Variants in GTF2I observed in about 807,000 individuals in gnomAD.
The protein encoded by GTF2I is general transcription factor IIi.
A neutral mutation model predicts 67.6 loss-of-function variants in GTF2I; 12 were observed. The ratio of observed to expected loss-of-function variants is 0.18; its 90% CI spans 0.11 to 0.29. GTF2I has a LOEUF of 0.29. GTF2I is among the 10% of genes least tolerant of loss of function. The probability of loss-of-function intolerance (pLI) is 1.00; values close to 1 mark genes in which losing one functional copy is unlikely to be tolerated. For missense variants in GTF2I, 271 were observed against 580.1 expected (o/e 0.47, Z 5.47); for synonymous variants, 149 against 197.0 (o/e 0.76, Z 2.04).
chr7:74,658,203 G>T (rs1804097234), intron 1 of GTF2I, 135 bp downstream of exon 1: 1 of 150,354 alleles, frequency 6.7e-6, no homozygotes, highest in African/African-American at 2.4e-5. Flanking sequence ...CCCGCCGCGC[G>T]CGGTGTGGGG....
rs907961700 is a variant in GTF2I at position 74,665,734 on chromosome 7, T to C, written c.-6+7666T>C. Among the ~76,000 whole-genome samples the C allele has an allele frequency of 5.3e-5, 8 of 152,346 alleles. No individual in the cohort carries two copies. The South Asian group carries it at 1.0e-3, about 20-fold the overall frequency. On this transcript the variant is annotated intron_variant, in intron 1 of 34. Coordinates refer to ENST00000573035, the MANE Select transcript of GTF2I (RefSeq NM_032999.4). ...GGAAGCGAAAATTTTACTAGTAATA[T>C]CGACTATGACGTTAATCTCCAAGAA...
intron 17 of GTF2I, 123 bp downstream of exon 17, chr7:74,735,655 G>GTTT: frequency 6.4e-5 from 20 of 310,318 alleles, no homozygotes; most frequent in Admixed American, 1.1e-4. Flanking sequence ...AGTTTTCCCT[G>GTTT]TTTTTTTTTT....
rs1449465151 is a variant in GTF2I, at chr7:74,687,604, T to TA, written c.-5-1518dup. 6 of 937,382 alleles carry TA rather than the reference T, an allele frequency of 6.4e-6. No individual in the cohort carries two copies. The East Asian group carries it at 6.9e-4, about 108-fold the overall frequency. 58.1% of individuals were successfully genotyped at this position (937,382 alleles called of 1,614,324 possible). A position where few individuals can be genotyped will look rare whatever the true frequency, so the allele number is the denominator to read the frequency against. On this transcript the variant is annotated intron_variant, in intron 1 of 34. Transcript: ENST00000573035. Reference sequence around the variant, plus strand: ...TTGATGGGTAATCTGGGCTAGCAGTTAATTCACATGGTAACAGATAAAGCT... The same window carrying TA: ...TTGATGGGTAATCTGGGCTAGCAGTTAAATTCACATGGTAACAGATAAAGCT...
chr7:74,735,672 T>A, intron 17 of GTF2I, 140 bp downstream of exon 17: 1 of 462,456 alleles, frequency 2.2e-6, no homozygotes, highest in East Asian at 3.9e-5. Context: ...TTTTTTGGGT[T>A]TTTTTTTTTT....
intron 9 of GTF2I, among the ~76,000 whole-genome samples, chr7:74,712,715 G>A (rs1562968925): frequency 6.7e-6 from 1 of 149,902 alleles, no homozygotes; most frequent in Non-Finnish European, 1.5e-5. Context: ...CCAAGCTGGA[G>A]TGCAGTGGTG....
At chr7:74,723,382 C>T (rs1362487651) in intron 12 of GTF2I, among the ~76,000 whole-genome samples, 3 of 145,922 alleles carry the variant, frequency 2.1e-5, no homozygotes, top group African/African-American at 7.7e-5. Flanking sequence ...CCACCTCACC[C>T]TCCCAAAGAG....
intron 8 of GTF2I, among the ~76,000 whole-genome samples, chr7:74,707,239 G>C (rs1422159415): frequency 6.6e-6 from 1 of 152,214 alleles, no homozygotes; most frequent in Non-Finnish European, 1.5e-5. Flanking sequence ...GTGTTATCCT[G>C]TGTCCTAGTG....
At chr7:74,658,613 C>A (rs1201495679) in intron 1 of GTF2I, among the ~76,000 whole-genome samples, 1 of 149,626 alleles carries the variant, frequency 6.7e-6, no homozygotes, top group Admixed American at 6.6e-5. Context: ...ATTGGCCAAC[C>A]GGCGCGGGGG....
At chr7:74,680,099 A>AAAAAATATATATATATATATATAT in intron 1 of GTF2I, among the ~76,000 whole-genome samples, 2 of 94,976 alleles carry the variant, frequency 2.1e-5, no homozygotes, top group East Asian at 2.5e-4. Flanking sequence ...AAAAAAAAAA[A>AAAAAATATATATATATATATATAT]ATATATATAT....
intron 2 of GTF2I, among the ~76,000 whole-genome samples, chr7:74,690,099 C>T (rs895131885): frequency 1.3e-5 from 2 of 152,128 alleles, no homozygotes; most frequent in East Asian, 3.9e-4. Context: ...CCTGTAGTCC[C>T]AGTAACCCGG....
chr7:74,700,608 C>A lies in GTF2I; in HGVS notation c.560C>A (p.Pro187His), dbSNP rs1789597872. 6.2e-7 allele frequency: 1 copy of A among 1,613,784 alleles called. No homozygotes were observed. The highest frequency in any genetic ancestry group is 8.5e-7 in the Non-Finnish European group (1 of 1,179,886). The change falls in exon 6 of 35, where the codon CCT (proline) becomes CAT (histidine). Residue 187 changes from proline to histidine, a missense_variant and splice_region_variant. Around this residue, in one of 9 missense-constraint regions of GTF2I, gnomAD observed 38 missense variants for 87.8 expected, o/e 0.43. Transcript: ENST00000573035. ...TGTTTTGTTTTGTTTTAATGCAGAC[C>A]TTTTTTAGAGCCAAAGAAGCATGTA... Reference protein sequence around the residue: ...KAGISFIIKRPFLEPKKHVGG... With the variant: ...KAGISFIIKRHFLEPKKHVGG...
chr7:74,687,827 C>A (rs1354087882), intron 1 of GTF2I, among the ~76,000 whole-genome samples: 4 of 152,108 alleles, frequency 2.6e-5, no homozygotes, highest in Admixed American at 6.6e-5. Flanking sequence ...AGTTACTATT[C>A]TTGTTTCCAG....
At chr7:74,688,004 G>T (rs1787891711) in intron 1 of GTF2I, among the ~76,000 whole-genome samples, 1 of 152,116 alleles carries the variant, frequency 6.6e-6, no homozygotes, top group South Asian at 2.1e-4. Flanking sequence ...TTCAGTTTTA[G>T]AAATTTGCTT....
intron 9 of GTF2I, among the ~76,000 whole-genome samples, chr7:74,712,714 A>G (rs1584247010): frequency 7.3e-6 from 1 of 136,734 alleles, no homozygotes; most frequent in Non-Finnish European, 1.5e-5. Context: ...CCCAAGCTGG[A>G]GTGCAGTGGT....
intron 3 of GTF2I, among the ~76,000 whole-genome samples, chr7:74,694,990 T>G (rs1788745314): frequency 6.6e-6 from 1 of 152,232 alleles, no homozygotes; most frequent in Non-Finnish European, 1.5e-5. Flanking sequence ...CTTGATAGTG[T>G]TGTTCACCGA....
chr7:74,685,978 G>T (rs1787692137), intron 1 of GTF2I, among the ~76,000 whole-genome samples: 1 of 152,152 alleles, frequency 6.6e-6, no homozygotes, highest in African/African-American at 2.4e-5. Context: ...GCGTGAACCC[G>T]GGAGGCGGAG....
intron 26 of GTF2I, among the ~76,000 whole-genome samples, chr7:74,749,929 T>C (rs1795698202): frequency 6.8e-6 from 1 of 147,738 alleles, no homozygotes; most frequent in Non-Finnish European, 1.5e-5. Flanking sequence ...GAAATTTTCC[T>C]TATGCTGCTG....
intron 6 of GTF2I, among the ~76,000 whole-genome samples, chr7:74,702,786 T>G (rs1364464333): frequency 6.7e-6 from 1 of 150,132 alleles, no homozygotes; most frequent in East Asian, 2.0e-4. Context: ...CAGGCTGGAG[T>G]GTAGTGGCGC....
At chr7:74,681,653 T>G (rs1787283429) in intron 1 of GTF2I, among the ~76,000 whole-genome samples, 1 of 152,214 alleles carries the variant, frequency 6.6e-6, no homozygotes. Flanking sequence ...GGCTTACGCC[T>G]GTAATCCTAG....
Sources: gnomAD v4.1 joint callset for allele counts (sites outside exome capture counted in the v4.1 genomes callset) on GRCh38, gnomAD v4.1.1 for gene constraint, gnomAD v4.1.1 regional missense constraint, MANE v1.5 for transcripts, NCBI Gene and HGNC (gene_info 2026-07-23, HGNC 2026-07-21) for gene names.